The following TMEM245 variants were observed in gnomAD, a reference collection of about 807,000 sequenced individuals.
TMEM245 encodes protein CG-2.
A neutral mutation model predicts 101.2 loss-of-function variants in TMEM245; 69 were observed. That is an observed-to-expected ratio of 0.68 (90% CI 0.56 to 0.83). The LOEUF (loss-of-function observed/expected upper bound fraction) is 0.83. Among genes scored for constraint, TMEM245 ranks in the 40% least tolerant of loss-of-function variants. TMEM245 has a pLI of 0.00. For synonymous variants in TMEM245, 537 were observed against 449.8 expected, an observed-to-expected ratio of 1.19 and a Z score of -2.45; for missense variants, 1,075 against 1,092.8, an observed-to-expected ratio of 0.98 and a Z score of 0.23.
Position 109,074,635 on chromosome 9 carries a change from T to C in TMEM245, c.1450-1197A>G, listed in dbSNP as rs143385098. Among the ~76,000 whole-genome samples, 299 of 134,620 alleles carry C rather than the reference T, an allele frequency of 2.2e-3. 3 individuals are homozygous for C. Among genetic ancestry groups the C allele is most frequent in the African/African-American group, 7.5e-3 (274 of 36,366 alleles). The allele number at this position is 134,620 out of a possible 152,430, so 88.3% of individuals were successfully genotyped here. A position where few individuals can be genotyped will look rare whatever the true frequency, so the allele number is the denominator to read the frequency against. ...TGAAAGTTCCATAGTATGCCAGGAATTGAGTGAGACAGTACAAAGACTGAC... is the reference window on the plus strand; with the variant it reads ...TGAAAGTTCCATAGTATGCCAGGAACTGAGTGAGACAGTACAAAGACTGAC... On this transcript the variant is annotated intron_variant, in intron 8 of 17. Transcript: ENST00000374586.
chr9:109,082,994 CAGTTA>C lies in TMEM245; in HGVS notation c.1345-2056_1345-2052del, dbSNP rs1311133565. On this transcript the variant is annotated intron_variant, in intron 7 of 17. Coordinates refer to ENST00000374586, the MANE Select transcript of TMEM245 (RefSeq NM_032012.4). ...AGTTGTTGTTTTCGTCACATGTGGC[CAGTTA>C]AGTTAGCTGAGAACAGGACAAGAAG... Among the ~76,000 whole-genome samples the C allele has an allele frequency of 7.9e-5, 12 of 151,700 alleles. No individual in the cohort carries two copies. In the East Asian group the frequency reaches 2.3e-3, roughly 29 times the overall value.
rs1268864367 is a variant in TMEM245 at position 109,018,229 on chromosome 9, T to C, written c.*2231A>G. On this transcript the variant is annotated 3_prime_UTR_variant, in exon 18 of 18. Transcript: ENST00000374586. ...TATGAATATGTGCTAATTACATCTA[T>C]AAATCAACCAGTATATAATTAACAA... 6.6e-6 allele frequency: 1 copy of C among 152,254 alleles called. No homozygotes were observed. Among genetic ancestry groups the C allele is most frequent in the African/African-American group, 2.4e-5 (1 of 41,476 alleles). 9.4% of individuals were successfully genotyped at this position (152,254 alleles called of 1,614,324 possible).
At position 109,057,057 on chromosome 9, in the gene TMEM245, T is replaced by C. The variant is rs150553625; in HGVS notation, c.1854+134A>G. Reference sequence around the variant, plus strand: ...CTTTTGAACATCATCCTAGTGCATTTAGAGTTCTCAAATATGTAAATGTCA... The same window carrying C: ...CTTTTGAACATCATCCTAGTGCATTCAGAGTTCTCAAATATGTAAATGTCA... On this transcript the variant is annotated intron_variant, in intron 12 of 17. Transcript: ENST00000374586. 143 of 968,580 alleles carry C rather than the reference T, an allele frequency of 1.5e-4. 2 individuals carry two copies. The East Asian group carries it at 4.0e-3, about 27-fold the overall frequency. 60.0% of individuals were successfully genotyped at this position (968,580 alleles called of 1,614,324 possible). A position where few individuals can be genotyped will look rare whatever the true frequency, so the allele number is the denominator to read the frequency against.
rs768485960 is a variant in TMEM245, at chr9:109,020,472, A to T, written c.2628T>A (p.Ser876=). The change falls in exon 18 of 18, where the codon TCT becomes TCA. Residue 876 remains serine, a synonymous_variant. Coordinates refer to ENST00000374586, the MANE Select transcript of TMEM245 (RefSeq NM_032012.4). Reference sequence around the variant, plus strand: ...AGAGGAAACCACATCAACCTACTGAAGATTTCAGATCTTCAGAAATGTCAC... The same window carrying T: ...AGAGGAAACCACATCAACCTACTGATGATTTCAGATCTTCAGAAATGTCAC... The part of the protein sequence containing the change: ...TFRDISEDLK[S]SVG 1 of 1,614,180 alleles carries T rather than the reference A, an allele frequency of 6.2e-7. No homozygotes were observed. Among genetic ancestry groups the T allele is most frequent in the Non-Finnish European group, 8.5e-7 (1 of 1,180,002 alleles).
At chr9:109,086,747 A>G (rs1829851013) in intron 6 of TMEM245, among the ~76,000 whole-genome samples, 1 of 152,158 alleles carries the variant, frequency 6.6e-6, no homozygotes. Flanking sequence ...TTTCCCCAAT[A>G]AACAAGGCTT....
At position 109,080,942 on chromosome 9, in the gene TMEM245, A is replaced by T. The variant is rs1245581457; in HGVS notation, c.1346T>A (p.Met449Lys). The change falls in exon 8 of 18, where the codon ATG (methionine) becomes AAG (lysine). Residue 449 changes from methionine (M) to lysine (K), a missense_variant and splice_region_variant. Coordinates refer to ENST00000374586, the MANE Select transcript of TMEM245 (RefSeq NM_032012.4). ...TAACATCTTCTCCAACCAGATGATCATCTGCACAAAAACGAAAAAGAGAAT... is the reference window on the plus strand; with the variant it reads ...TAACATCTTCTCCAACCAGATGATCTTCTGCACAAAAACGAAAAAGAGAAT... Reference protein sequence around the residue: ...SKLWHWLNKKMIIWLEKMLDK... With the variant: ...SKLWHWLNKKKIIWLEKMLDK... 1 of 1,580,622 alleles carries T rather than the reference A, an allele frequency of 6.3e-7. No individual in the cohort carries two copies. Among genetic ancestry groups the T allele is most frequent in the Non-Finnish European group, 8.7e-7 (1 of 1,154,398 alleles).
At chr9:109,020,742 C>T (rs1166409513) in intron 17 of TMEM245, among the ~76,000 whole-genome samples, 1 of 152,172 alleles carries the variant, frequency 6.6e-6, no homozygotes, top group African/African-American at 2.4e-5. Context: ...CACATGACCA[C>T]GTGACTACGC....
Position 109,064,526 on chromosome 9 carries a change from G to A in TMEM245, c.1574C>T (p.Ser525Phe). ...ATACTGATACACGTTGTTAGCCGCA[G>A]AATTCAGGGCTCTTTGGACTACCTG... ...EAQVVQRALN[S>F]AANNVYQYGR... The change falls in exon 10 of 18, where the codon TCT (serine) becomes TTT (phenylalanine). Residue 525 changes from serine to phenylalanine, a missense_variant. By Grantham distance (155) the Ser-to-Phe change is radical. This residue lies in a region of TMEM245 where 808 missense variants were observed against 741.5 expected (regional missense o/e 1.09). Coordinates refer to ENST00000374586, the MANE Select transcript of TMEM245 (RefSeq NM_032012.4). 6.2e-7 allele frequency: 1 copy of A among 1,613,990 alleles called. No homozygotes were observed. Among genetic ancestry groups the A allele is most frequent in the Non-Finnish European group, 8.5e-7 (1 of 1,179,900 alleles).
At chr9:109,113,366 C>T (rs748609023) in intron 1 of TMEM245, among the ~76,000 whole-genome samples, 21 of 152,140 alleles carry the variant, frequency 1.4e-4, no homozygotes, top group Non-Finnish European at 2.5e-4. Flanking sequence ...CTGAGCAAAC[C>T]TATTCAAGTG....
In TMEM245 at chr9:109,050,626, G is replaced by C. The variant is rs1270025426; in HGVS notation, c.1921C>G (p.Leu641Val). The change falls in exon 13 of 18, where the codon CTC becomes GTC. Residue 641 changes from leucine to valine, a missense_variant. Transcript: ENST00000374586. ...CCGCTGTAGAAGAGGATGGTCAAGA[G>C]TGTAGTGACAGTGGTGAACAGCAGG... ...VSLLFTTVTTLLTILFYSGTA... is the reference protein window; with the variant it reads ...VSLLFTTVTTVLTILFYSGTA... 1 of 1,613,614 alleles carries C rather than the reference G, an allele frequency of 6.2e-7. No homozygotes were observed. The highest frequency in any genetic ancestry group is 1.3e-5 in the African/African-American group (1 of 74,758).
intron 9 of TMEM245, among the ~76,000 whole-genome samples, chr9:109,072,365 T>G (rs1829359916): frequency 6.6e-6 from 1 of 152,218 alleles, no homozygotes; most frequent in South Asian, 2.1e-4. Context: ...AGGAGATTGA[T>G]TTAAACCGCT....
At chr9:109,083,111 C>CAA (rs200430625) in intron 7 of TMEM245, among the ~76,000 whole-genome samples, 2 of 135,114 alleles carry the variant, frequency 1.5e-5, no homozygotes, top group Admixed American at 7.4e-5. Context: ...GAAGGTCAAG[C>CAA]AAAAAAAAAA....
At chr9:109,091,261 T>A in intron 4 of TMEM245, 106 bp from the exon 5 acceptor site, 1 of 933,446 alleles carries the variant, frequency 1.1e-6, no homozygotes, top group Non-Finnish European at 1.6e-6. Context: ...CAAAATGTGC[T>A]GATATGGTAT....
chr9:109,119,553 G>A lies in TMEM245; in HGVS notation c.361C>T (p.Leu121=), dbSNP rs140147240. ...CAGAGCGGCAGGAGCAGCGCGGCCA[G>A]GACGATGGGCGTGTGCGCGCGGTGC... ...RLHRAHTPIV[L]AALLLPLCFV... is the part of the protein sequence containing the mutation. Residue 121 remains leucine (L), a synonymous_variant, in exon 1 of 18, where the codon CTG becomes TTG. Transcript: ENST00000374586. 18,611 of 1,536,466 alleles carry A rather than the reference G, an allele frequency of 0.012. 223 individuals are homozygous for A. The highest frequency in any genetic ancestry group is 0.038 in the South Asian group (3,207 of 83,676).
intron 7 of TMEM245, 42 bp downstream of exon 7, chr9:109,085,955 C>A (rs201819857): frequency 2.3e-4 from 363 of 1,605,216 alleles, no homozygotes; most frequent in Admixed American, 1.0e-4. Flanking sequence ...AGGGGCATTA[C>A]GGAATTCAAT....
chr9:109,051,504 A>G (rs925736349), intron 12 of TMEM245, among the ~76,000 whole-genome samples: 2 of 152,200 alleles, frequency 1.3e-5, no homozygotes, highest in Admixed American at 6.5e-5. Context: ...GCACACATAT[A>G]GGCTGTAAGA....
chr9:109,075,446 C>T (rs560087683), intron 8 of TMEM245, among the ~76,000 whole-genome samples: 3 of 152,218 alleles, frequency 2.0e-5, no homozygotes, highest in African/African-American at 4.8e-5. Context: ...AGTATTTCTT[C>T]GCTACATGTT....
chr9:109,044,284 A>G (rs1828407077), intron 14 of TMEM245, among the ~76,000 whole-genome samples: 5 of 152,196 alleles, frequency 3.3e-5, no homozygotes, highest in Admixed American at 3.3e-4. Context: ...ACCTGCTTTT[A>G]ATGGAATGAT....
intron 8 of TMEM245, among the ~76,000 whole-genome samples, chr9:109,078,627 C>T (rs1322282031): frequency 2.0e-5 from 3 of 152,124 alleles, no homozygotes; most frequent in Admixed American, 6.5e-5. Flanking sequence ...TATTGTTCCC[C>T]TGTTTGTGAT....
Sources: gnomAD v4.1 joint callset for allele counts (sites outside exome capture counted in the v4.1 genomes callset) on GRCh38, gnomAD v4.1.1 for gene constraint, gnomAD v4.1.1 regional missense constraint, MANE v1.5 for transcripts, NCBI Gene and HGNC (gene_info 2026-07-23, HGNC 2026-07-21) for gene names.